PCDHA10: variants seen among roughly 807,000 people sequenced by gnomAD.
The protein encoded by PCDHA10 is protocadherin alpha 10, also known as protocadherin alpha-10.
In PCDHA10, 45 loss-of-function variants were observed where a neutral mutation model predicts 61.2. The observed-to-expected ratio is 0.74, with a 90% CI of 0.58 to 0.94. The LOEUF (loss-of-function observed/expected upper bound fraction) is 0.94. PCDHA10 is among the 40% of genes least tolerant of loss of function. PCDHA10 has a pLI of 0.00. For synonymous variants in PCDHA10, 602 were observed against 548.8 expected (o/e 1.10, Z -1.35); for missense variants, 1,278 against 1,236.2 (o/e 1.03, Z -0.51).
rs2045052132 is a variant in PCDHA10 at position 140,857,957 on chromosome 5, G to T, written c.1909G>T (p.Asp637Tyr). 6.3e-7 allele frequency: 1 copy of T among 1,597,294 alleles called. No individual in the cohort carries two copies. The highest frequency in any genetic ancestry group is 1.3e-5 in the African/African-American group (1 of 74,220). ...CGAGATCAGTACGACGCGCGCTCTG[G>T]ATGAGACTGACTCGCCACGCCAGCG... ...TGEISTTRALDETDSPRQRLL... is the reference protein window; with the variant it reads ...TGEISTTRALYETDSPRQRLL... The change falls in exon 1 of 4, where the codon GAT (aspartate) becomes TAT (tyrosine). Residue 637 changes from aspartate (D) to tyrosine (Y), a missense_variant. Transcript: ENST00000307360.
intron 1 of PCDHA10, chr5:140,928,245 A>G: frequency 2.5e-6 from 4 of 1,614,192 alleles, no homozygotes; most frequent in Non-Finnish European, 8.5e-7. Context: ...CCCAGCAGGA[A>G]CTTTTCGTTG....
chr5:140,969,863 C>G (rs1305470999), intron 1 of PCDHA10, among the ~76,000 whole-genome samples: 2 of 152,156 alleles, frequency 1.3e-5, no homozygotes, highest in Non-Finnish European at 2.9e-5. Context: ...CTGGTACTTG[C>G]ACTGAACCTA....
intron 1 of PCDHA10, chr5:140,881,320 A>G (rs186641452): frequency 3.0e-6 from 3 of 983,610 alleles, no homozygotes; most frequent in East Asian, 1.1e-4. Context: ...GTTAAATTCT[A>G]TTTAACCAGG....
At chr5:140,943,248 ACT>A (rs1250099362) in intron 1 of PCDHA10, among the ~76,000 whole-genome samples, 2 of 133,008 alleles carry the variant, frequency 1.5e-5, no homozygotes, top group Non-Finnish European at 3.1e-5. Flanking sequence ...ACAGAGTGAG[ACT>A]CTGTCTCAAA....
At chr5:140,918,977 AG>A (rs1226723076) in intron 1 of PCDHA10, among the ~76,000 whole-genome samples, 6 of 152,192 alleles carry the variant, frequency 3.9e-5, no homozygotes, top group African/African-American at 1.4e-4. Context: ...CGTTTAGGTT[AG>A]TTGGTTTTTA....
intron 1 of PCDHA10, chr5:140,876,448 G>C (rs2056350590): frequency 1.2e-6 from 2 of 1,614,008 alleles, no homozygotes; most frequent in East Asian, 4.5e-5. Flanking sequence ...CATTGATAAA[G>C]GGATTCCTTC....
intron 1 of PCDHA10, among the ~76,000 whole-genome samples, chr5:140,900,662 G>C (rs2068213556): frequency 6.6e-6 from 1 of 152,190 alleles, no homozygotes; most frequent in South Asian, 2.1e-4. Flanking sequence ...ATGAACAATG[G>C]GAGTGCAGTT....
At chr5:141,004,362 C>T (rs1357216048) in intron 3 of PCDHA10, among the ~76,000 whole-genome samples, 1 of 152,186 alleles carries the variant, frequency 6.6e-6, no homozygotes, top group Non-Finnish European at 1.5e-5. Flanking sequence ...AGAGACCACA[C>T]CTTGTTCTGC....
intron 1 of PCDHA10, chr5:140,969,204 C>T (rs1453693936): frequency 3.2e-5 from 51 of 1,613,996 alleles, no homozygotes; most frequent in African/African-American, 1.5e-4. Context: ...AATACAGGGG[C>T]CCAGACAGGA....
At chr5:140,959,090 G>A (rs797041561) in intron 1 of PCDHA10, among the ~76,000 whole-genome samples, 2 of 151,986 alleles carry the variant, frequency 1.3e-5, no homozygotes, top group African/African-American at 2.4e-5. Flanking sequence ...CCTTGGTTTC[G>A]GACATTCAGC....
At chr5:140,917,287 G>A (rs190210744) in intron 1 of PCDHA10, among the ~76,000 whole-genome samples, 51 of 147,686 alleles carry the variant, frequency 3.5e-4, no homozygotes, top group Admixed American at 7.7e-4. Flanking sequence ...ACGCTTTTCC[G>A]TGTGCAGATA....
intron 1 of PCDHA10, chr5:140,875,945 CT>C (rs782069405): frequency 6.2e-7 from 1 of 1,614,144 alleles, no homozygotes; most frequent in South Asian, 1.1e-5. Flanking sequence ...GAGGGCGCTT[CT>C]GATGCGGATA....
intron 1 of PCDHA10, among the ~76,000 whole-genome samples, chr5:140,879,327 A>G (rs2057945221): frequency 6.6e-6 from 1 of 152,232 alleles, no homozygotes; most frequent in South Asian, 2.1e-4. Context: ...TCACTTTTTT[A>G]GTTTGTTCAG....
At chr5:140,906,942 A>G (rs2073059599) in intron 1 of PCDHA10, among the ~76,000 whole-genome samples, 1 of 152,146 alleles carries the variant, frequency 6.6e-6, no homozygotes, top group Admixed American at 6.5e-5. Context: ...TGTCAATCTT[A>G]ATTTCCAGTT....
chr5:140,888,047 G>C (rs1246901863), intron 1 of PCDHA10, among the ~76,000 whole-genome samples: 12 of 152,092 alleles, frequency 7.9e-5, no homozygotes, highest in African/African-American at 2.9e-4. Flanking sequence ...ATGTATAATA[G>C]ATGTTTTAAC....
At chr5:140,952,675 T>A (rs2153696875) in intron 1 of PCDHA10, among the ~76,000 whole-genome samples, 1 of 152,326 alleles carries the variant, frequency 6.6e-6, no homozygotes, top group East Asian at 1.9e-4. Context: ...ACTTTCACAT[T>A]TTCAGGATCT....
chr5:140,972,910 C>G (rs2096563603), intron 1 of PCDHA10, among the ~76,000 whole-genome samples: 1 of 152,054 alleles, frequency 6.6e-6, no homozygotes, highest in Non-Finnish European at 1.5e-5. Flanking sequence ...GATCCACCCG[C>G]CTTGGCCTCC....
chr5:140,888,287 C>T (rs1371852276), intron 1 of PCDHA10, among the ~76,000 whole-genome samples: 1 of 152,072 alleles, frequency 6.6e-6, no homozygotes, highest in African/African-American at 2.4e-5. Flanking sequence ...CCCCTCTACC[C>T]CCTACCCAGG....
intron 1 of PCDHA10, among the ~76,000 whole-genome samples, chr5:140,899,225 A>G (rs1479429839): frequency 6.6e-6 from 1 of 152,038 alleles, no homozygotes; most frequent in African/African-American, 2.4e-5. Flanking sequence ...TTCCAACACT[A>G]TGTTGAATAG....
Sources: gnomAD v4.1 joint callset for allele counts (sites outside exome capture counted in the v4.1 genomes callset) on GRCh38, gnomAD v4.1.1 for gene constraint, MANE v1.5 for transcripts, NCBI Gene and HGNC (gene_info 2026-07-23, HGNC 2026-07-21) for gene names.